ITGAM: variants seen among roughly 807,000 people sequenced by gnomAD.
ITGAM encodes the protein integrin subunit alpha M.
In ITGAM, 79 loss-of-function variants were observed where a neutral mutation model predicts 137.5. The observed-to-expected ratio is 0.57, with a 90% CI of 0.48 to 0.69. The LOEUF (loss-of-function observed/expected upper bound fraction) is 0.69. Ranked by LOEUF, ITGAM falls within the 30% of genes least tolerant of loss-of-function variation. The pLI, the probability that ITGAM is intolerant of heterozygous loss-of-function variation, is 0.00. For synonymous variants in ITGAM, 583 were observed against 592.3 expected, an observed-to-expected ratio of 0.98 and a Z score of 0.23; for missense variants, 1,343 against 1,483.5, an observed-to-expected ratio of 0.91 and a Z score of 1.56.
At chr16:31,281,733 G>A (rs937381798) in intron 12 of ITGAM, among the ~76,000 whole-genome samples, 42 of 152,120 alleles carry the variant, frequency 2.8e-4, no homozygotes, top group Admixed American at 1.3e-4. Flanking sequence ...GTTCTGCTCT[G>A]ATCTTAGTTA....
At chr16:31,323,247 C>A (rs1385529672) in intron 16 of ITGAM, among the ~76,000 whole-genome samples, 5 of 152,010 alleles carry the variant, frequency 3.3e-5, no homozygotes, top group Non-Finnish European at 5.9e-5. Context: ...GCCTGGCCAA[C>A]ATGGTGAAAC....
rs1485341111 is a variant in ITGAM, at chr16:31,324,392, C to T, written c.2003-7C>T. 5.2e-6 allele frequency: 8 copies of T among 1,551,338 alleles called. No homozygotes were observed. In the Admixed American group the frequency reaches 1.4e-4, roughly 27 times the overall value. On this transcript the variant is annotated splice_polypyrimidine_tract_variant and splice_region_variant and intron_variant, in intron 16 of 29. Coordinates refer to ENST00000544665, the MANE Select transcript of ITGAM (RefSeq NM_000632.4). This position sits in a 1 kb window ranked among gnomAD's most constrained non-coding sequence, Gnocchi z 4.5. ...CCCCTCACTGCTGTGCCACCCTGTC[C>T]CTTCAGGACAGATCCAGAGTGTTGT...
At chr16:31,311,839 T>G (rs1264064899) in intron 14 of ITGAM, among the ~76,000 whole-genome samples, 1 of 152,072 alleles carries the variant, frequency 6.6e-6, no homozygotes, top group African/African-American at 2.4e-5. Context: ...TGCATACAAG[T>G]GTTTATTGCG....
rs370476061 is a variant in ITGAM at position 31,271,895 on chromosome 16, A to G, written c.607A>G (p.Lys203Glu). The change falls in exon 7 of 30, where the codon AAA (lysine) becomes GAA (glutamate). Residue 203 changes from lysine to glutamate, a missense_variant. Transcript: ENST00000544665. ...AGAATTCCGGATTCACTTTACCTTCAAAGAGTTCCAGAACAACCCTAACCC... is the reference window on the plus strand; with the variant it reads ...AGAATTCCGGATTCACTTTACCTTCGAAGAGTTCCAGAACAACCCTAACCC... ...SEEFRIHFTF[K>E]EFQNNPNPRS... 117 of 1,613,848 alleles carry G rather than the reference A, an allele frequency of 7.2e-5. No individual in the cohort carries two copies. Among genetic ancestry groups the G allele is most frequent in the Admixed American group, 1.0e-4 (6 of 59,996 alleles).
intron 12 of ITGAM, among the ~76,000 whole-genome samples, chr16:31,283,851 T>C (rs2079997208): frequency 6.6e-6 from 1 of 152,180 alleles, no homozygotes; most frequent in Non-Finnish European, 1.5e-5. Context: ...CTCCCCATCT[T>C]TGTGGTTTTA....
At position 31,329,879 on chromosome 16, in the gene ITGAM, G is replaced by A; in HGVS notation, c.2950G>A (p.Asp984Asn). 1 of 1,563,190 alleles carries A rather than the reference G, an allele frequency of 6.4e-7. No homozygotes were observed. Among genetic ancestry groups the A allele is most frequent in the East Asian group, 2.4e-5 (1 of 41,822 alleles). ...CCGGCTGAACCAGACTGTCATATGG[G>A]ACCGCCCCCAGGTCACCTTCTCCGA... ...PVRLNQTVIWDRPQVTFSENL... is the reference protein window; with the variant it reads ...PVRLNQTVIWNRPQVTFSENL... Residue 984 changes from aspartate to asparagine, a missense_variant, in exon 25 of 30, where the codon GAC becomes AAC. Transcript: ENST00000544665.
Position 31,277,012 on chromosome 16 carries a change from G to A in ITGAM, c.1176G>A (p.Met392Ile). Residue 392 changes from methionine (M) to isoleucine (I), a missense_variant, in exon 11 of 30, where the codon ATG becomes ATA. Met to Ile is a conservative substitution (Grantham distance 10). Coordinates refer to ENST00000544665, the MANE Select transcript of ITGAM (RefSeq NM_000632.4). The part of the protein sequence containing the change: ...TSKEKSTFIN[M>I]TRVDSDMNDA... The stretch of plus-strand genomic sequence containing the variant: ...AGGAGAAAAGCACCTTCATCAACAT[G>A]ACCAGAGTGGATTCAGACATGAATG... 1 of 1,613,004 alleles carries A rather than the reference G, an allele frequency of 6.2e-7. No individual in the cohort carries two copies. Among genetic ancestry groups the A allele is most frequent in the Non-Finnish European group, 8.5e-7 (1 of 1,179,506 alleles).
chr16:31,275,811 A>C, intron 9 of ITGAM, 112 bp downstream of exon 9: 3 of 953,194 alleles, frequency 3.1e-6, no homozygotes, highest in Admixed American at 2.7e-5. Context: ...CCCAGCATCA[A>C]CTCTCTCCAC....
rs544537381 is a variant in ITGAM, at chr16:31,310,996, T to C, written c.1708-10245T>C. On this transcript the variant is annotated intron_variant, in intron 14 of 29. Transcript: ENST00000544665. ...ATAGTGCCGCATATCTACAACTATC[T>C]GATCTTTGACAAACCTGACAAAAAG... Among the ~76,000 whole-genome samples, 618 of 152,294 alleles carry C rather than the reference T, an allele frequency of 4.1e-3. 5 individuals are homozygous for C. Among genetic ancestry groups the C allele is most frequent in the Non-Finnish European group, 4.6e-3 (314 of 68,018 alleles).
chr16:31,319,584 A>G (rs2080426805), intron 14 of ITGAM, among the ~76,000 whole-genome samples: 1 of 152,140 alleles, frequency 6.6e-6, no homozygotes. Flanking sequence ...TGTAGATAGC[A>G]TATAATTGGA....
At chr16:31,276,891 T>G in intron 10 of ITGAM, 29 bp from the exon 11 acceptor site, 1 of 1,601,410 alleles carries the variant, frequency 6.2e-7, no homozygotes, top group Non-Finnish European at 8.5e-7. Context: ...TCTTCCTTCC[T>G]CATCAACCCT....
rs1485123474 is a variant in ITGAM at position 31,321,773 on chromosome 16, A to C, written c.2002+146A>C. The stretch of plus-strand genomic sequence containing the variant: ...TTCTCCAAGCCTTACCTGAGTGAGC[A>C]GGCTATTGTCCTGCTGGGTAGGGAA... On this transcript the variant is annotated intron_variant, in intron 16 of 29. Coordinates refer to ENST00000544665, the MANE Select transcript of ITGAM (RefSeq NM_000632.4). 1.3e-5 allele frequency: 11 copies of C among 830,054 alleles called. No homozygotes were observed. The East Asian group carries it at 3.0e-4, about 22-fold the overall frequency. 51.4% of individuals were successfully genotyped at this position (830,054 alleles called of 1,614,324 possible).
chr16:31,280,856 G>A (rs1037930989), intron 12 of ITGAM, among the ~76,000 whole-genome samples: 32 of 152,178 alleles, frequency 2.1e-4, no homozygotes, highest in African/African-American at 5.3e-4. Context: ...CTGCGGGTTT[G>A]TCATAAATAG....
chr16:31,284,672 C>T (rs1372534257), intron 12 of ITGAM, among the ~76,000 whole-genome samples: 3 of 152,182 alleles, frequency 2.0e-5, no homozygotes, highest in Non-Finnish European at 4.4e-5. Context: ...CCTTGCACTT[C>T]CCAGGTGAGG....
chr16:31,330,554 C>CGATT lies in ITGAM; in HGVS notation c.3226_3229dup (p.Ser1077Ter). ...TGAGCACAGCTGAGATCTTGTTTAA[C>CGATT]GATTCCGTGTTCACCCTGCTGCCGG... On this transcript the variant is annotated frameshift_variant, in exon 28 of 30. Transcript: ENST00000544665. LOFTEE classifies it high-confidence loss of function. 1.9e-6 allele frequency: 3 copies of CGATT among 1,613,424 alleles called. No homozygotes were observed. The highest frequency in any genetic ancestry group is 1.7e-6 in the Non-Finnish European group (2 of 1,179,550).
chr16:31,310,273 A>G (rs1254095335), intron 14 of ITGAM, among the ~76,000 whole-genome samples: 1 of 152,156 alleles, frequency 6.6e-6, no homozygotes, highest in East Asian at 1.9e-4. Flanking sequence ...TCTCCTGGAT[A>G]ATATCCTGCA....
chr16:31,291,429 T>G (rs554017931), intron 12 of ITGAM, among the ~76,000 whole-genome samples: 7 of 152,174 alleles, frequency 4.6e-5, no homozygotes, highest in Non-Finnish European at 1.0e-4. Context: ...TTCTCTATAG[T>G]GGCTTTACTA....
chr16:31,321,283 G>A lies in ITGAM; in HGVS notation c.1750G>A (p.Gly584Ser). 6.2e-7 allele frequency: 1 copy of A among 1,613,918 alleles called. No individual in the cohort carries two copies. The highest frequency in any genetic ancestry group is 8.5e-7 in the Non-Finnish European group (1 of 1,179,866). Residue 584 changes from glycine to serine, a missense_variant, in exon 15 of 30, where the codon GGT becomes AGT. Coordinates refer to ENST00000544665, the MANE Select transcript of ITGAM (RefSeq NM_000632.4). ...SKLSPRLQYF[G>S]QSLSGGQDLT... ...GCTCTCTCCCAGGCTCCAGTATTTT[G>A]GTCAGTCACTGAGTGGGGGCCAGGA...
In ITGAM at chr16:31,265,472, G is replaced by C. The variant is rs758035052; in HGVS notation, c.212G>C (p.Gly71Ala). The C allele has an allele frequency of 6.2e-7, 1 of 1,603,382 alleles. No homozygotes were observed. Among genetic ancestry groups the C allele is most frequent in the African/African-American group, 1.3e-5 (1 of 74,676 alleles). ...GSLYQCDYST[G>A]SCEPIRLQVP... ...CTCTACCAGTGCGACTACAGCACAG[G>C]CTCATGCGAGCCCATCCGCCTGCAG... Residue 71 changes from glycine (G) to alanine (A), a missense_variant, in exon 3 of 30, where the codon GGC (glycine) becomes GCC (alanine). Coordinates refer to ENST00000544665, the MANE Select transcript of ITGAM (RefSeq NM_000632.4).
Sources: gnomAD v4.1 joint callset for allele counts (sites outside exome capture counted in the v4.1 genomes callset) on GRCh38, gnomAD v4.1.1 for gene constraint, Gnocchi (gnomAD v3.1) non-coding constraint, MANE v1.5 for transcripts, NCBI Gene and HGNC (gene_info 2026-07-23, HGNC 2026-07-21) for gene names.